HEYL: variants seen among roughly 807,000 people sequenced by gnomAD.
HEYL encodes hes related family bHLH transcription factor with YRPW motif like, also known as hairy/enhancer-of-split related with YRPW motif-like protein.
HEYL carries 12 observed loss-of-function variants against 18.6 expected under a neutral mutation model. That is an observed-to-expected ratio of 0.65 (90% CI 0.41 to 1.05). The LOEUF is 1.05. Ranked by LOEUF, HEYL falls within the 50% of genes least tolerant of loss-of-function variation. The pLI is 0.00. For missense variants in HEYL, 420 were observed against 444.7 expected, an observed-to-expected ratio of 0.94 and a Z score of 0.50; for synonymous variants, 159 against 179.6, an observed-to-expected ratio of 0.89 and a Z score of 0.91.
rs993436422 is a variant in HEYL at position 39,639,425 on chromosome 1, C to CCTCT, written c.80+120_80+121insAGAG. 19 of 706,764 alleles carry CCTCT rather than the reference C, an allele frequency of 2.7e-5. No individual in the cohort carries two copies. The African/African-American group carries it at 3.2e-4, about 12-fold the overall frequency. 43.8% of individuals were successfully genotyped at this position (706,764 alleles called of 1,614,324 possible). ...CCTACGCCGACACCTGTGGCCCCCG[C>CCTCT]GCTCACCTGCCTCTGCCCAGGCGGT... On this transcript the variant is annotated intron_variant, in intron 1 of 4. Coordinates refer to ENST00000372852, the MANE Select transcript of HEYL (RefSeq NM_014571.4).
chr1:39,630,338 C>A (rs190328201), intron 3 of HEYL, 30 bp from the exon 4 acceptor site: 2 of 1,565,176 alleles, frequency 1.3e-6, no homozygotes, highest in East Asian at 2.2e-5. Context: ...AAGGGTGGAG[C>A]CTGCAGCTGA....
intron 4 of HEYL, among the ~76,000 whole-genome samples, 181 bp from the exon 5 acceptor site, chr1:39,627,361 G>A (rs1646306693): frequency 6.6e-6 from 1 of 152,186 alleles, no homozygotes; most frequent in Admixed American, 6.5e-5. Flanking sequence ...ATCCCTTCCT[G>A]GGGTGGAGGA....
rs534299990 is a variant in HEYL, at chr1:39,626,566, C to A, written c.928G>T (p.Ala310Ser). ...CAGGAGTGGTAGAGCATGGCTCCCG[C>A]TGGCCTCCCAGCTGGCCCTGGGGAG... ...SSSPGPAGRP[A>S]GAMLYHSWVS... Residue 310 changes from alanine to serine, a missense_variant, in exon 5 of 5, where the codon GCG becomes TCG. Coordinates refer to ENST00000372852, the MANE Select transcript of HEYL (RefSeq NM_014571.4). 2 of 1,550,820 alleles carry A rather than the reference C, an allele frequency of 1.3e-6. No individual in the cohort carries two copies. The highest frequency in any genetic ancestry group is 2.7e-5 in the African/African-American group (2 of 73,128).
At chr1:39,635,740 A>G (rs1322035277) in intron 1 of HEYL, among the ~76,000 whole-genome samples, 1 of 152,088 alleles carries the variant, frequency 6.6e-6, no homozygotes, top group Admixed American at 6.5e-5. Context: ...CCGCTTCAGC[A>G]TTTTTTCCCT....
chr1:39,631,320 C>A (rs962650676), intron 3 of HEYL, among the ~76,000 whole-genome samples, 176 bp downstream of exon 3: 1 of 152,264 alleles, frequency 6.6e-6, no homozygotes, highest in African/African-American at 2.4e-5. Context: ...CATAAAGACA[C>A]CTGAGACACC....
In HEYL at chr1:39,626,333, A is replaced by T. The variant is rs115608339; in HGVS notation, c.*174T>A. On this transcript the variant is annotated 3_prime_UTR_variant, in exon 5 of 5. Coordinates refer to ENST00000372852, the MANE Select transcript of HEYL (RefSeq NM_014571.4). ...AGGAGAGCTGGGTGGATAAGCTGGGATAACAGTGAGAAGGAGAGATGGGTT... is the reference window on the plus strand; with the variant it reads ...AGGAGAGCTGGGTGGATAAGCTGGGTTAACAGTGAGAAGGAGAGATGGGTT... The T allele has an allele frequency of 1.4e-3, 856 of 604,064 alleles. 4 individuals are homozygous for T. The African/African-American group carries it at 0.015, about 11-fold the overall frequency. 37.4% of individuals were successfully genotyped at this position (604,064 alleles called of 1,614,324 possible).
chr1:39,627,288 A>G, intron 4 of HEYL, 108 bp from the exon 5 acceptor site: 2 of 995,232 alleles, frequency 2.0e-6, no homozygotes, highest in Non-Finnish European at 2.9e-6. Flanking sequence ...CTCCCTGGGC[A>G]GCCGTGGCCA....
chr1:39,635,450 G>A (rs763205200), intron 1 of HEYL, among the ~76,000 whole-genome samples: 17 of 152,212 alleles, frequency 1.1e-4, no homozygotes, highest in African/African-American at 2.4e-4. Flanking sequence ...GGAGGCTGAC[G>A]CACCCATTTC....
intron 1 of HEYL, chr1:39,633,920 C>T (rs1646349737): frequency 6.6e-6 from 1 of 152,418 alleles, no homozygotes; most frequent in African/African-American, 2.4e-5. Context: ...CCACTTCTCT[C>T]AATGCTACGC....
chr1:39,630,394 T>C, intron 3 of HEYL, 86 bp from the exon 4 acceptor site: 1 of 1,043,388 alleles, frequency 9.6e-7, no homozygotes, highest in Non-Finnish European at 1.5e-6. Flanking sequence ...CTCGATTTTC[T>C]CACCTTCCTC....
rs752179941 is a variant in HEYL at position 39,629,335 on chromosome 1, T to G, written c.313+892A>C. Among the ~76,000 whole-genome samples the G allele has an allele frequency of 3.3e-5, 5 of 152,276 alleles. 1 individual carries two copies. Among genetic ancestry groups the G allele is most frequent in the African/African-American group, 1.2e-4 (5 of 41,556 alleles). On this transcript the variant is annotated intron_variant, in intron 4 of 4. Coordinates refer to ENST00000372852, the MANE Select transcript of HEYL (RefSeq NM_014571.4). ...GAAGTCTCCACTCTTAGCAATGCAT[T>G]TTTTTTGGCAGAAGTTCCCAAATGG...
chr1:39,632,760 T>C (rs749349293), intron 1 of HEYL, 45 bp from the exon 2 acceptor site: 2 of 1,609,214 alleles, frequency 1.2e-6, no homozygotes, highest in Non-Finnish European at 1.7e-6. Context: ...TGGGGGACAG[T>C]CTCCCCGGCC....
chr1:39,626,514 G>T lies in HEYL; in HGVS notation c.980C>A (p.Ala327Asp), dbSNP rs1341811840. The change falls in exon 5 of 5, where the codon GCT (alanine) becomes GAT (aspartate). Residue 327 changes from alanine (A) to aspartate (D), a missense_variant. By Grantham distance (126) the Ala-to-Asp change is moderately radical (BLOSUM62 -2). Coordinates refer to ENST00000372852, the MANE Select transcript of HEYL (RefSeq NM_014571.4). ...SWVSEITEIG[A>D]F ...GGGTGGTGAAGGGGCAGCTCAGAAA[G>T]CCCCGATTTCAGTGATTTCAGAGAC... 2.0e-6 allele frequency: 3 copies of T among 1,526,502 alleles called. No individual in the cohort carries two copies. Among genetic ancestry groups the T allele is most frequent in the Non-Finnish European group, 2.6e-6 (3 of 1,137,030 alleles). The allele number at this position is 1,526,502 out of a possible 1,614,324, so 94.6% of individuals were successfully genotyped here. A position where few individuals can be genotyped will look rare whatever the true frequency, so the allele number is the denominator to read the frequency against.
At chr1:39,635,604 T>C (rs557773843) in intron 1 of HEYL, among the ~76,000 whole-genome samples, 1 of 152,280 alleles carries the variant, frequency 6.6e-6, no homozygotes, top group South Asian at 2.1e-4. Context: ...TGTCTTTCCC[T>C]CCTTTGAGCC....
At chr1:39,628,013 A>C (rs573098478) in intron 4 of HEYL, among the ~76,000 whole-genome samples, 1 of 152,254 alleles carries the variant, frequency 6.6e-6, no homozygotes, top group Admixed American at 6.5e-5. Flanking sequence ...TTCCTGTACA[A>C]ATATTCACAT....
chr1:39,626,947 A>G lies in HEYL; in HGVS notation c.547T>C (p.Cys183Arg), dbSNP rs1646302944. 6.2e-7 allele frequency: 1 copy of G among 1,613,734 alleles called. No homozygotes were observed. Among genetic ancestry groups the G allele is most frequent in the Non-Finnish European group, 8.5e-7 (1 of 1,179,774 alleles). ...PAWPWSFFHS[C>R]PGLPALSNQL... ...TTGCTCAGGGCTGGCAGCCCTGGACAGCTATGGAAGAAAGACCAGGGCCAG... is the reference window on the plus strand; with the variant it reads ...TTGCTCAGGGCTGGCAGCCCTGGACGGCTATGGAAGAAAGACCAGGGCCAG... The change falls in exon 5 of 5, where the codon TGT (cysteine) becomes CGT (arginine). Residue 183 changes from cysteine (C) to arginine (R), a missense_variant. Coordinates refer to ENST00000372852, the MANE Select transcript of HEYL (RefSeq NM_014571.4).
At chr1:39,633,182 C>G in intron 1 of HEYL, 1 of 922,548 alleles carries the variant, frequency 1.1e-6, no homozygotes, top group Non-Finnish European at 1.3e-6. Context: ...CCGCCTGCAG[C>G]TGCCGCCTCC....
Position 39,627,001 on chromosome 1 carries a change from T to C in HEYL, c.493A>G (p.Thr165Ala), listed in dbSNP as rs1646303596. Residue 165 changes from threonine (T) to alanine (A), a missense_variant, in exon 5 of 5, where the codon ACG becomes GCG. Coordinates refer to ENST00000372852, the MANE Select transcript of HEYL (RefSeq NM_014571.4). ...GGGAAGGCCAAAGGGCCAGTGGGCG[T>C]GGGCGAAGGCTCCATCTCGGCTGCG... The part of the protein sequence containing the change: ...SYAAEMEPSP[T>A]PTGPLAFPAW... 6.2e-7 allele frequency: 1 copy of C among 1,614,012 alleles called. No homozygotes were observed. The highest frequency in any genetic ancestry group is 8.5e-7 in the Non-Finnish European group (1 of 1,179,970).
intron 3 of HEYL, among the ~76,000 whole-genome samples, chr1:39,631,039 C>T (rs908519306): frequency 1.8e-4 from 28 of 152,166 alleles, no homozygotes; most frequent in African/African-American, 6.0e-4. Context: ...TCTGATTCCC[C>T]GCTGTAGTTC....
Sources: gnomAD v4.1 joint callset for allele counts (sites outside exome capture counted in the v4.1 genomes callset) on GRCh38, gnomAD v4.1.1 for gene constraint, MANE v1.5 for transcripts, NCBI Gene and HGNC (gene_info 2026-07-23, HGNC 2026-07-21) for gene names.